The following CA10 variants were observed in gnomAD, a reference collection of about 807,000 sequenced individuals.
CA10 encodes carbonic anhydrase-related protein 10.
A neutral mutation model predicts 44.2 loss-of-function variants in CA10; 14 were observed. That is an observed-to-expected ratio of 0.32 (90% CI 0.21 to 0.50). The LOEUF (loss-of-function observed/expected upper bound fraction) is 0.50, where lower values mean the gene tolerates loss of function less well. Ranked by LOEUF, CA10 falls within the 20% of genes least tolerant of loss-of-function variation. The pLI is 0.99. For synonymous variants in CA10, 159 were observed against 141.6 expected, an observed-to-expected ratio of 1.12 and a Z score of -0.87; for missense variants, 350 against 409.7, an observed-to-expected ratio of 0.85 and a Z score of 1.26.
intron 3 of CA10, among the ~76,000 whole-genome samples, chr17:51,809,318 G>A (rs1026638298): frequency 4.6e-5 from 7 of 152,142 alleles, no homozygotes; most frequent in African/African-American, 1.7e-4. Context: ...TGTGTTCAAT[G>A]CTGGGGTTAC....
intron 4 of CA10, among the ~76,000 whole-genome samples, chr17:51,744,746 C>T (rs1904611880): frequency 6.6e-6 from 1 of 152,190 alleles, no homozygotes; most frequent in African/African-American, 2.4e-5. Flanking sequence ...CTTTTTGTAG[C>T]TACCACCCAT....
At chr17:51,701,694 A>G (rs1455115930) in intron 4 of CA10, among the ~76,000 whole-genome samples, 1 of 152,194 alleles carries the variant, frequency 6.6e-6, no homozygotes, top group Non-Finnish European at 1.5e-5. Context: ...ATGTTTGGTA[A>G]CAGGCCAAGA....
intron 4 of CA10, among the ~76,000 whole-genome samples, chr17:51,655,524 C>A (rs1168488452): frequency 6.6e-6 from 1 of 152,212 alleles, no homozygotes; most frequent in Non-Finnish European, 1.5e-5. Flanking sequence ...CCATATCTAA[C>A]CCAGTGGTTT....
chr17:51,802,435 G>A (rs995812579), intron 3 of CA10, among the ~76,000 whole-genome samples: 3 of 152,104 alleles, frequency 2.0e-5, no homozygotes, highest in African/African-American at 4.8e-5. Flanking sequence ...GCCTGGCAGA[G>A]TCAATACCTG....
At chr17:52,134,699 CT>C (rs1989313343) in intron 1 of CA10, among the ~76,000 whole-genome samples, 1 of 152,138 alleles carries the variant, frequency 6.6e-6, no homozygotes, top group Admixed American at 6.5e-5. Context: ...TTTCTCTCCC[CT>C]CCTACAACTG....
chr17:51,806,184 A>G (rs1404236228), intron 3 of CA10, among the ~76,000 whole-genome samples: 2 of 152,208 alleles, frequency 1.3e-5, no homozygotes, highest in Admixed American at 6.5e-5. Context: ...GACATACCTC[A>G]ATCCTCATTT....
chr17:52,110,541 T>C (rs1016325020), intron 1 of CA10, among the ~76,000 whole-genome samples: 15 of 152,196 alleles, frequency 9.9e-5, no homozygotes, highest in Non-Finnish European at 2.9e-5. Context: ...CTAGAGTTAA[T>C]ATTTGAGATG....
chr17:52,072,650 CT>C (rs1278851631), intron 1 of CA10, among the ~76,000 whole-genome samples: 2 of 148,130 alleles, frequency 1.4e-5, no homozygotes, highest in Non-Finnish European at 3.0e-5. Context: ...TTTAAGTCCC[CT>C]GCTACCTGTC....
intron 3 of CA10, among the ~76,000 whole-genome samples, chr17:51,853,936 A>G (rs1978920967): frequency 1.3e-5 from 2 of 152,164 alleles, no homozygotes; most frequent in Non-Finnish European, 2.9e-5. Flanking sequence ...TCTTTCCTTT[A>G]TAAATTACCC....
chr17:51,660,822 C>A (rs893053948), intron 4 of CA10, among the ~76,000 whole-genome samples: 13 of 152,204 alleles, frequency 8.5e-5, no homozygotes, highest in African/African-American at 3.1e-4. Context: ...AACCATGTGT[C>A]CTTGTTTTCT....
chr17:51,866,511 T>C (rs1370782187), intron 3 of CA10, among the ~76,000 whole-genome samples: 1 of 152,246 alleles, frequency 6.6e-6, no homozygotes. Flanking sequence ...GCCATGACAG[T>C]AGATTTCTCT....
At chr17:51,666,363 G>A (rs957395624) in intron 4 of CA10, among the ~76,000 whole-genome samples, 3 of 152,182 alleles carry the variant, frequency 2.0e-5, no homozygotes, top group Admixed American at 2.0e-4. Context: ...TAAGAATATT[G>A]TCTATCCTCA....
chr17:51,777,811 G>GGTC (rs1206085342), intron 3 of CA10, among the ~76,000 whole-genome samples: 1 of 152,092 alleles, frequency 6.6e-6, no homozygotes, highest in African/African-American at 2.4e-5. Context: ...ATGTACCTGT[G>GGTC]GTCCCTGCTA....
At chr17:51,970,393 TTG>T (rs1376044500) in intron 2 of CA10, among the ~76,000 whole-genome samples, 2 of 152,182 alleles carry the variant, frequency 1.3e-5, no homozygotes, top group South Asian at 2.1e-4. Context: ...TATTATTTTT[TTG>T]TTCCTCTTAC....
chr17:51,806,688 C>T (rs1399802992), intron 3 of CA10, among the ~76,000 whole-genome samples: 3 of 152,210 alleles, frequency 2.0e-5, no homozygotes, highest in Non-Finnish European at 4.4e-5. Context: ...ATCCCCACAA[C>T]AAGAAGCATA....
At chr17:51,937,284 G>A (rs1029350828) in intron 2 of CA10, among the ~76,000 whole-genome samples, 3 of 152,096 alleles carry the variant, frequency 2.0e-5, no homozygotes, top group African/African-American at 7.2e-5. Flanking sequence ...CACCAATCCT[G>A]ATTTACTGTC....
intron 3 of CA10, among the ~76,000 whole-genome samples, chr17:51,756,728 G>C (rs1453031228): frequency 2.6e-5 from 4 of 151,958 alleles, no homozygotes; most frequent in African/African-American, 7.3e-5. Flanking sequence ...CGCCCGTCTT[G>C]GCCTCCCAAA....
chr17:51,711,131 A>T (rs914265531), intron 4 of CA10, among the ~76,000 whole-genome samples: 2 of 152,132 alleles, frequency 1.3e-5, no homozygotes, highest in Non-Finnish European at 2.9e-5. Context: ...TAAAAAACAG[A>T]TAATTATCCA....
chr17:52,093,366 T>G (rs1988319469), intron 1 of CA10, among the ~76,000 whole-genome samples: 1 of 152,182 alleles, frequency 6.6e-6, no homozygotes, highest in East Asian at 1.9e-4. Context: ...CTTGCTCACA[T>G]TCATAGACCT....
Sources: allele counts gnomAD v4.1 joint callset (sites outside exome capture counted in the v4.1 genomes callset), GRCh38; gene constraint gnomAD v4.1.1; transcripts MANE v1.5; gene names NCBI Gene and HGNC (gene_info 2026-07-23, HGNC 2026-07-21).